The following MAPK8IP3 variants were observed in gnomAD, a reference collection of about 807,000 sequenced individuals.
MAPK8IP3 encodes the protein C-Jun-amino-terminal kinase-interacting protein 3.
Under a neutral mutation model 157.8 loss-of-function variants are expected in MAPK8IP3, and 49 were observed. The observed-to-expected ratio is 0.31, with a 90% CI of 0.25 to 0.39. The LOEUF (loss-of-function observed/expected upper bound fraction) is 0.39. Ranked by LOEUF, MAPK8IP3 falls within the 10% of genes least tolerant of loss-of-function variation. The pLI, the probability that MAPK8IP3 is intolerant of heterozygous loss-of-function variation, is 1.00. For synonymous variants in MAPK8IP3, 897 were observed against 777.7 expected (o/e 1.15, Z -2.55); for missense variants, 1,478 against 1,889.4 (o/e 0.78, Z 4.04).
At chr16:1,737,577 A>G (rs1175695910) in intron 4 of MAPK8IP3, among the ~76,000 whole-genome samples, 1 of 83,088 alleles carries the variant, frequency 1.2e-5, no homozygotes, top group African/African-American at 5.2e-5. Context: ...CATCTGTGTG[A>G]CCGTCCGTGA....
At chr16:1,718,072 C>G (rs1339273730) in intron 1 of MAPK8IP3, among the ~76,000 whole-genome samples, 1 of 152,016 alleles carries the variant, frequency 6.6e-6, no homozygotes, top group Admixed American at 6.6e-5. Flanking sequence ...CCAGGATGGT[C>G]TCGATCTCCT....
intron 8 of MAPK8IP3, among the ~76,000 whole-genome samples, chr16:1,749,660 G>A (rs2041177850): frequency 2.0e-5 from 3 of 152,366 alleles, no homozygotes; most frequent in Middle Eastern, 3.4e-3. Flanking sequence ...GCGGGCAGTA[G>A]GACAGCGCAG....
At chr16:1,762,280 C>T in intron 13 of MAPK8IP3, 71 bp from the exon 14 acceptor site, 1 of 1,490,384 alleles carries the variant, frequency 6.7e-7, no homozygotes, top group Non-Finnish European at 8.9e-7. Context: ...TACGTGTAGG[C>T]ACCCCAGGAG....
At chr16:1,737,757 T>C (rs2040120388) in intron 4 of MAPK8IP3, among the ~76,000 whole-genome samples, 1 of 34,706 alleles carries the variant, frequency 2.9e-5, no homozygotes, top group Non-Finnish European at 4.6e-5. Flanking sequence ...ACCATCCGTG[T>C]GTGTGACCAT....
chr16:1,761,190 C>T, intron 12 of MAPK8IP3, 34 bp from the exon 13 acceptor site: 1 of 1,569,750 alleles, frequency 6.4e-7, no homozygotes, highest in Non-Finnish European at 8.8e-7. Context: ...CCTGGGAGGC[C>T]CTCACCCTCC....
At chr16:1,748,062 G>A (rs1022853072) in intron 6 of MAPK8IP3, among the ~76,000 whole-genome samples, 182 bp from the exon 7 acceptor site, 1 of 152,206 alleles carries the variant, frequency 6.6e-6, no homozygotes, top group African/African-American at 2.4e-5. Flanking sequence ...CGCCTCAGAC[G>A]TCTACTGTGC....
intron 8 of MAPK8IP3, among the ~76,000 whole-genome samples, chr16:1,753,010 CA>C (rs1390505209): frequency 6.6e-6 from 1 of 152,170 alleles, no homozygotes; most frequent in East Asian, 1.9e-4. Context: ...GGCTGCCAAG[CA>C]GGGGAGAGCC....
chr16:1,737,425 CGT>C (rs780610378), intron 4 of MAPK8IP3, among the ~76,000 whole-genome samples: 16 of 90,820 alleles, frequency 1.8e-4, no homozygotes, highest in South Asian at 1.2e-3. Context: ...TGTGAGCGTC[CGT>C]GTGAGTGTGT....
Position 1,737,446 on chromosome 16 carries a change from G to A in MAPK8IP3, c.603-5886G>A, listed in dbSNP as rs1173685675. 6.4e-5 allele frequency among the ~76,000 whole-genome samples: 7 copies of A among 110,088 alleles called. 2 individuals are homozygous for A. The highest frequency in any genetic ancestry group is 4.6e-4 in the South Asian group (1 of 2,160). 72.2% of individuals were successfully genotyped at this position (110,088 alleles called of 152,430 possible). On this transcript the variant is annotated intron_variant, in intron 4 of 31. Coordinates refer to ENST00000610761, the MANE Select transcript of MAPK8IP3 (RefSeq NM_001318852.2). Reference sequence around the variant, plus strand: ...CGTCCGTGTGAGTGTGTGAGCGTCCGTGTGAGTGTGACCACCCATGTGAGC... The same window carrying A: ...CGTCCGTGTGAGTGTGTGAGCGTCCATGTGAGTGTGACCACCCATGTGAGC...
At chr16:1,759,922 AG>A (rs753279483) in intron 10 of MAPK8IP3, 35 bp from the exon 11 acceptor site, 2 of 1,596,214 alleles carry the variant, frequency 1.3e-6, no homozygotes, top group South Asian at 2.2e-5. Flanking sequence ...CCTGTTTTGA[AG>A]GGCACAGGTG....
intron 1 of MAPK8IP3, among the ~76,000 whole-genome samples, chr16:1,723,364 G>A (rs370854235): frequency 3.4e-4 from 52 of 152,164 alleles, no homozygotes; most frequent in African/African-American, 1.2e-3. Flanking sequence ...TTTTTTAGTA[G>A]AAACAGGGTT....
chr16:1,719,312 C>G (rs1300426087), intron 1 of MAPK8IP3, among the ~76,000 whole-genome samples: 1 of 152,020 alleles, frequency 6.6e-6, no homozygotes, highest in African/African-American at 2.4e-5. Flanking sequence ...TGGCCCCTTC[C>G]TAAGGGACAG....
chr16:1,757,367 G>A (rs1449963650), intron 8 of MAPK8IP3, among the ~76,000 whole-genome samples: 2 of 152,196 alleles, frequency 1.3e-5, no homozygotes, highest in South Asian at 2.1e-4. Context: ...GCCTCCTAAA[G>A]TGCTGGGATT....
intron 4 of MAPK8IP3, among the ~76,000 whole-genome samples, chr16:1,737,864 ATCTGTGTGACCG>A (rs2040141808): frequency 1.6e-5 from 1 of 61,064 alleles, no homozygotes; most frequent in Non-Finnish European, 3.0e-5. Context: ...CCATGTGAGC[ATCTGTGTGACCG>A]TCCGTGTGAG....
At chr16:1,708,935 G>C (rs113041229) in intron 1 of MAPK8IP3, among the ~76,000 whole-genome samples, 1 of 152,194 alleles carries the variant, frequency 6.6e-6, no homozygotes, top group Non-Finnish European at 1.5e-5. Flanking sequence ...GTGGGTCGGC[G>C]TCTTTTCTAG....
chr16:1,716,067 G>A (rs183719367), intron 1 of MAPK8IP3, among the ~76,000 whole-genome samples: 1 of 152,138 alleles, frequency 6.6e-6, no homozygotes, highest in South Asian at 2.1e-4. Flanking sequence ...GCAGGAAAGT[G>A]TCCATGGGTT....
rs367558939 is a variant in MAPK8IP3 at position 1,768,846 on chromosome 16, G to A, written c.*22G>A. 41 of 1,610,044 alleles carry A rather than the reference G, an allele frequency of 2.5e-5. No individual in the cohort carries two copies. The highest frequency in any genetic ancestry group is 2.9e-5 in the Non-Finnish European group (34 of 1,179,356). On this transcript the variant is annotated 3_prime_UTR_variant, in exon 32 of 32. Transcript: ENST00000610761. ...GTGAAGCTGCTGCCCTGCCTGGCCC[G>A]ACCTGTACATAGGACCCCCGACCAC...
chr16:1,740,250 G>A (rs1197062691), intron 4 of MAPK8IP3, among the ~76,000 whole-genome samples: 1 of 146,404 alleles, frequency 6.8e-6, no homozygotes, highest in South Asian at 2.3e-4. Context: ...CTGTGTGACC[G>A]TTCGTGTGAG....
intron 5 of MAPK8IP3, 164 bp from the exon 6 acceptor site, chr16:1,746,865 C>T (rs942641921): frequency 1.9e-5 from 16 of 839,478 alleles, no homozygotes; most frequent in East Asian, 8.1e-5. Context: ...TGGTGAGGCC[C>T]GGAAGGGTTA....
Sources: allele counts gnomAD v4.1 joint callset (sites outside exome capture counted in the v4.1 genomes callset), GRCh38; gene constraint gnomAD v4.1.1; transcripts MANE v1.5; gene names NCBI Gene and HGNC (gene_info 2026-07-23, HGNC 2026-07-21).